Variants in ENTREP2 observed in about 807,000 individuals in gnomAD.
ENTREP2 encodes the protein endosomal transmembrane epsin interactor 2, also known as protein ENTREP2.
chr15:29,210,280 C>A, the ENTREP2 span, among the ~76,000 whole-genome samples: 1 of 152,186 alleles, frequency 6.6e-6, no homozygotes, highest in South Asian at 2.1e-4. Flanking sequence ...TCAAACCAGC[C>A]AATTCTCACC....
the ENTREP2 span, among the ~76,000 whole-genome samples, chr15:29,493,695 G>C: frequency 2.0e-5 from 3 of 152,062 alleles, no homozygotes; most frequent in Non-Finnish European, 4.4e-5. Flanking sequence ...AGCATTCCTG[G>C]CTAGGCATGG....
At chr15:29,578,346 T>C in the ENTREP2 span, among the ~76,000 whole-genome samples, 2 of 152,162 alleles carry the variant, frequency 1.3e-5, no homozygotes, top group African/African-American at 4.8e-5. Flanking sequence ...GTGAAAGCAG[T>C]GACTGGAAAA....
the ENTREP2 span, chr15:29,123,194 C>G: frequency 2.3e-6 from 2 of 863,362 alleles, no homozygotes; most frequent in Non-Finnish European, 3.5e-6. Context: ...CCTGCCCACA[C>G]CGCCCCCAGA....
the ENTREP2 span, among the ~76,000 whole-genome samples, chr15:29,394,878 A>ATTTTTTTTTTTTTT: frequency 2.3e-5 from 1 of 42,926 alleles, no homozygotes; most frequent in African/African-American, 4.3e-5. Flanking sequence ...ATGTGTCAGA[A>ATTTTTTTTTTTTTT]TCTCTTTTTT....
chr15:29,424,648 T>G, the ENTREP2 span, among the ~76,000 whole-genome samples: 14 of 152,260 alleles, frequency 9.2e-5, no homozygotes, highest in Middle Eastern at 3.4e-3. Context: ...AGAGGGGCCC[T>G]GCAAAGTCCT....
chr15:29,548,817 C>G, the ENTREP2 span, among the ~76,000 whole-genome samples: 5 of 152,176 alleles, frequency 3.3e-5, no homozygotes, highest in African/African-American at 1.2e-4. Context: ...CTATACTGGT[C>G]TATACACTTG....
chr15:29,271,515 G>A, the ENTREP2 span, among the ~76,000 whole-genome samples: 1 of 152,208 alleles, frequency 6.6e-6, no homozygotes, highest in African/African-American at 2.4e-5. Flanking sequence ...GGGCCTGCCT[G>A]GCCTAAACCC....
chr15:29,473,047 G>C, the ENTREP2 span, among the ~76,000 whole-genome samples: 718 of 152,236 alleles, frequency 4.7e-3, 2 homozygotes, highest in South Asian at 7.9e-3. Context: ...GTAGGTTCTT[G>C]AGGGTGGGGG....
At chr15:29,484,202 C>A in the ENTREP2 span, among the ~76,000 whole-genome samples, 1 of 152,156 alleles carries the variant, frequency 6.6e-6, no homozygotes, top group Admixed American at 6.5e-5. Flanking sequence ...CATCTAATAA[C>A]AAGAATGTTC....
chr15:29,310,127 G>T, the ENTREP2 span, among the ~76,000 whole-genome samples: 6 of 152,096 alleles, frequency 3.9e-5, no homozygotes, highest in Admixed American at 1.3e-4. Flanking sequence ...AACTAGAAAG[G>T]GGGGGCAGGA....
the ENTREP2 span, among the ~76,000 whole-genome samples, chr15:29,334,607 G>A: frequency 6.6e-6 from 1 of 150,954 alleles, no homozygotes; most frequent in East Asian, 1.9e-4. Context: ...AATACTTTAA[G>A]GTTAACACTG....
the ENTREP2 span, among the ~76,000 whole-genome samples, chr15:29,342,313 TG>T: frequency 6.6e-6 from 1 of 152,326 alleles, no homozygotes; most frequent in Non-Finnish European, 1.5e-5. Context: ...ATTATCTTTG[TG>T]GCCCTAATGC....
the ENTREP2 span, among the ~76,000 whole-genome samples, chr15:29,600,892 A>ATTT: frequency 1.0e-5 from 1 of 97,952 alleles, no homozygotes; most frequent in Non-Finnish European, 1.9e-5. Flanking sequence ...GGAAAATATG[A>ATTT]TTTTTCTTTC....
At chr15:29,452,177 G>C in the ENTREP2 span, among the ~76,000 whole-genome samples, 27 of 152,146 alleles carry the variant, frequency 1.8e-4, no homozygotes, top group Non-Finnish European at 3.4e-4. Flanking sequence ...AGGCACAAAT[G>C]ATGAGTGGCC....
chr15:29,222,205 G>A, the ENTREP2 span, among the ~76,000 whole-genome samples: 1 of 152,168 alleles, frequency 6.6e-6, no homozygotes, highest in East Asian at 1.9e-4. Flanking sequence ...CCAAGATGGT[G>A]ACAAGAGTGA....
the ENTREP2 span, among the ~76,000 whole-genome samples, chr15:29,231,652 T>G: frequency 1.3e-5 from 2 of 152,274 alleles, no homozygotes; most frequent in Middle Eastern, 6.8e-3. Flanking sequence ...TAGTCTAATA[T>G]AGTATGCTAT....
the ENTREP2 span, among the ~76,000 whole-genome samples, chr15:29,657,159 T>C: frequency 4.3e-4 from 66 of 152,032 alleles, no homozygotes; most frequent in African/African-American, 1.2e-3. Flanking sequence ...GCCATTCTCC[T>C]GCCTCCTCCT....
At chr15:29,423,326 G>C in the ENTREP2 span, among the ~76,000 whole-genome samples, 22 of 152,068 alleles carry the variant, frequency 1.4e-4, no homozygotes, top group African/African-American at 4.6e-4. Flanking sequence ...CCTTCACAAT[G>C]AAAATTCCTT....
At chr15:29,199,281 A>G in the ENTREP2 span, among the ~76,000 whole-genome samples, 1 of 152,198 alleles carries the variant, frequency 6.6e-6, no homozygotes, top group African/African-American at 2.4e-5. Context: ...TTTAGATAAG[A>G]AAGTACTGGA....
Sources: gnomAD v4.1 joint callset for allele counts (sites outside exome capture counted in the v4.1 genomes callset) on GRCh38, gnomAD v4.1.1 for gene constraint, MANE v1.5 for transcripts, NCBI Gene and HGNC (gene_info 2026-07-23, HGNC 2026-07-21) for gene names.